The following SYT16 variants were observed in gnomAD, a reference collection of about 807,000 sequenced individuals.
SYT16 encodes the protein synaptotagmin-16.
In SYT16, 42 loss-of-function variants were observed where a neutral mutation model predicts 61.4. That is an observed-to-expected ratio of 0.68 (90% CI 0.53 to 0.89). SYT16 has a LOEUF of 0.89. SYT16 is among the 40% of genes least tolerant of loss of function. SYT16 has a pLI of 0.00. For missense variants in SYT16, 804 were observed against 807.3 expected, an observed-to-expected ratio of 1.00 and a Z score of 0.05; for synonymous variants, 314 against 302.3, an observed-to-expected ratio of 1.04 and a Z score of -0.40.
chr14:61,917,218 A>T (rs1344532948), intron 1 of SYT16, among the ~76,000 whole-genome samples: 1 of 152,152 alleles, frequency 6.6e-6, no homozygotes, highest in African/African-American at 2.4e-5. Flanking sequence ...TGTCTTGGAG[A>T]GTCCCATCCT....
chr14:61,856,847 T>G (rs1413529021), intron 1 of SYT16, among the ~76,000 whole-genome samples: 1 of 151,916 alleles, frequency 6.6e-6, no homozygotes, highest in Admixed American at 6.5e-5. Context: ...ACCCAGAGTT[T>G]AGGGAGGAAG....
chr14:62,084,661 G>A (rs967406465), intron 7 of SYT16, among the ~76,000 whole-genome samples: 3 of 152,174 alleles, frequency 2.0e-5, no homozygotes, highest in Admixed American at 2.0e-4. Flanking sequence ...AACATAATGT[G>A]TATGGGCAAT....
intron 1 of SYT16, among the ~76,000 whole-genome samples, chr14:61,844,480 C>T (rs2046385191): frequency 6.6e-6 from 1 of 152,102 alleles, no homozygotes; most frequent in Non-Finnish European, 1.5e-5. Flanking sequence ...ACAGGAAAGG[C>T]TTTAAGTTTT....
At chr14:61,854,435 C>CGCACGCGCGT (rs2046713377) in intron 1 of SYT16, among the ~76,000 whole-genome samples, 1 of 152,200 alleles carries the variant, frequency 6.6e-6, no homozygotes, top group African/African-American at 2.4e-5. Context: ...CACACACGCG[C>CGCACGCGCGT]GCACGCGCGT....
chr14:61,900,934 A>C (rs770099917), intron 1 of SYT16, among the ~76,000 whole-genome samples: 4 of 152,246 alleles, frequency 2.6e-5, no homozygotes, highest in Admixed American at 2.6e-4. Flanking sequence ...ACTGGATGCC[A>C]GGTGGCCACA....
At chr14:62,049,048 G>A (rs142878304) in intron 3 of SYT16, among the ~76,000 whole-genome samples, 6 of 152,160 alleles carry the variant, frequency 3.9e-5, no homozygotes, top group South Asian at 4.2e-4. Flanking sequence ...TTTCTGTCTC[G>A]TTGATCTGTC....
intron 1 of SYT16, among the ~76,000 whole-genome samples, chr14:61,847,533 A>G (rs2046480144): frequency 6.6e-6 from 1 of 152,132 alleles, no homozygotes; most frequent in Admixed American, 6.5e-5. Flanking sequence ...ACCTTGAGGT[A>G]GTCCTCTTTG....
intron 1 of SYT16, among the ~76,000 whole-genome samples, chr14:61,847,771 C>T (rs1039950894): frequency 3.3e-5 from 5 of 151,988 alleles, no homozygotes; most frequent in African/African-American, 1.2e-4. Context: ...TCTCCTCTTA[C>T]TGTATTTTCA....
At chr14:62,085,092 G>T (rs990638093) in intron 7 of SYT16, among the ~76,000 whole-genome samples, 3 of 152,202 alleles carry the variant, frequency 2.0e-5, no homozygotes, top group African/African-American at 7.2e-5. Context: ...CAGAGCTGCA[G>T]TCCAAGGTTC....
At chr14:61,924,015 A>G (rs193020971) in intron 1 of SYT16, among the ~76,000 whole-genome samples, 3 of 152,322 alleles carry the variant, frequency 2.0e-5, no homozygotes, top group South Asian at 2.1e-4. Context: ...AGTGCTATAC[A>G]TGAAAGATTA....
At chr14:62,069,164 T>G (rs1166819626) in intron 3 of SYT16, among the ~76,000 whole-genome samples, 2 of 152,176 alleles carry the variant, frequency 1.3e-5, no homozygotes, top group African/African-American at 4.8e-5. Flanking sequence ...TTCTCCGAAG[T>G]GGGGATTGGC....
At chr14:62,069,162 A>C (rs1290512144) in intron 3 of SYT16, among the ~76,000 whole-genome samples, 1 of 152,202 alleles carries the variant, frequency 6.6e-6, no homozygotes, top group East Asian at 1.9e-4. Context: ...CCTTCTCCGA[A>C]GTGGGGATTG....
rs1010257723 is a variant in SYT16 at position 61,867,261 on chromosome 14, A to G, written c.-325+54451A>G. ...ATTTTATTTCCATGTCAATTTTAGA[A>G]TTAACTCATCATTTTCTGTGAATAA... On this transcript the variant is annotated intron_variant, in intron 1 of 7. Transcript: ENST00000683842. Among the ~76,000 whole-genome samples, 3 of 152,032 alleles carry G rather than the reference A, an allele frequency of 2.0e-5. No homozygotes were observed. The East Asian group carries it at 5.8e-4, about 29-fold the overall frequency.
intron 3 of SYT16, among the ~76,000 whole-genome samples, chr14:62,068,402 A>G (rs1230808305): frequency 9.1e-6 from 1 of 109,990 alleles, no homozygotes; most frequent in Non-Finnish European, 2.0e-5. Flanking sequence ...AAACAAAACA[A>G]AACAGTTACC....
At chr14:62,008,704 C>T (rs1274337227) in intron 3 of SYT16, among the ~76,000 whole-genome samples, 2 of 147,268 alleles carry the variant, frequency 1.4e-5, no homozygotes, top group Non-Finnish European at 3.0e-5. Flanking sequence ...TGTTTTAAAA[C>T]TTTATACAAG....
At chr14:61,824,270 A>C (rs2045703769) in intron 1 of SYT16, among the ~76,000 whole-genome samples, 1 of 152,170 alleles carries the variant, frequency 6.6e-6, no homozygotes, top group Non-Finnish European at 1.5e-5. Context: ...GAAGGAAAGA[A>C]CTACTTCTGC....
At chr14:61,955,837 C>G (rs765445465) in intron 1 of SYT16, among the ~76,000 whole-genome samples, 1 of 151,990 alleles carries the variant, frequency 6.6e-6, no homozygotes, top group Non-Finnish European at 1.5e-5. Flanking sequence ...AGTGGTAATT[C>G]TATGGTTAAT....
intron 2 of SYT16, among the ~76,000 whole-genome samples, chr14:61,993,430 A>G (rs1444781436): frequency 1.3e-5 from 2 of 152,172 alleles, no homozygotes; most frequent in African/African-American, 4.8e-5. Flanking sequence ...AATAAAAAAA[A>G]TTAAAAAATT....
At chr14:61,901,753 AATAATAATAATT>A (rs1566664911) in intron 1 of SYT16, among the ~76,000 whole-genome samples, 1 of 147,140 alleles carries the variant, frequency 6.8e-6, no homozygotes, top group South Asian at 2.1e-4. Context: ...TAATAATAAT[AATAATAATAATT>A]ATTATTATTA....
Sources: gnomAD v4.1 joint callset for allele counts (sites outside exome capture counted in the v4.1 genomes callset) on GRCh38, gnomAD v4.1.1 for gene constraint, MANE v1.5 for transcripts, NCBI Gene and HGNC (gene_info 2026-07-23, HGNC 2026-07-21) for gene names.